The following IL17RC variants were observed in gnomAD, a reference collection of about 807,000 sequenced individuals.
The protein encoded by IL17RC is interleukin 17 receptor C, also known as interleukin-17 receptor C.
In IL17RC, 53 loss-of-function variants were observed where a neutral mutation model predicts 86.7. That is an observed-to-expected ratio of 0.61 (90% CI 0.49 to 0.77). IL17RC has a LOEUF of 0.77. Among genes scored for constraint, IL17RC ranks in the 30% least tolerant of loss-of-function variants. The pLI is 0.00. For missense variants in IL17RC, 957 were observed against 940.0 expected (o/e 1.02, Z -0.24); for synonymous variants, 439 against 413.1 (o/e 1.06, Z -0.76).
At chr3:9,925,257 C>T (rs1464795730) in intron 9 of IL17RC, among the ~76,000 whole-genome samples, 1 of 151,298 alleles carries the variant, frequency 6.6e-6, no homozygotes, top group Non-Finnish European at 1.5e-5. Context: ...GCTGGGACTA[C>T]AGGTGCCTGC....
Position 9,933,103 on chromosome 3 carries a change from G to A in IL17RC, c.1673G>A (p.Gly558Glu), listed in dbSNP as rs1336046051. The change falls in exon 19 of 19, where the codon GGG (glycine) becomes GAG (glutamate). Residue 558 changes from glycine (G) to glutamate (E), a missense_variant. Gly to Glu is a moderately conservative substitution (Grantham distance 98). Coordinates refer to ENST00000403601, the MANE Select transcript of IL17RC (RefSeq NM_153460.4). Reference sequence around the variant, plus strand: ...AGCCGTCGTGAACTGAGCGCGCAGGGGCCCGTGGCTTGGTTTCACGCGCAG... The same window carrying A: ...AGCCGTCGTGAACTGAGCGCGCAGGAGCCCGTGGCTTGGTTTCACGCGCAG... ...LWSRRELSAQ[G>E]PVAWFHAQRR... 1.3e-6 allele frequency: 2 copies of A among 1,576,216 alleles called. No individual in the cohort carries two copies. Among genetic ancestry groups the A allele is most frequent in the Non-Finnish European group, 1.7e-6 (2 of 1,167,048 alleles).
rs143896580 is a variant in IL17RC, at chr3:9,930,499, G to A, written c.1338+40G>A. On this transcript the variant is annotated intron_variant, in intron 15 of 18. Transcript: ENST00000403601. This position sits in a 1 kb window ranked among gnomAD's most constrained non-coding sequence, Gnocchi z 5.8. ...GAAGGGCCCCACCTCAATGCCTAGG[G>A]GCAACAGGCCTAAAACTAGCACTCA... is the stretch of plus-strand genomic sequence containing the variant. 176 of 1,596,508 alleles carry A rather than the reference G, an allele frequency of 1.1e-4. No homozygotes were observed. The African/African-American group carries it at 2.1e-3, about 19-fold the overall frequency.
chr3:9,932,797 C>T, intron 17 of IL17RC, 23 bp from the exon 18 acceptor site: 1 of 1,575,254 alleles, frequency 6.3e-7, no homozygotes, highest in East Asian at 2.2e-5. Context: ...TCACTGGCTG[C>T]CTCCGCCCCT....
rs2083483938 is a variant in IL17RC, at chr3:9,920,908, C to T, written c.578-17C>T. On this transcript the variant is annotated splice_polypyrimidine_tract_variant and intron_variant, in intron 6 of 18. Coordinates refer to ENST00000403601, the MANE Select transcript of IL17RC (RefSeq NM_153460.4). ...GCCCCCAGCCCCACTGGAGGCTCTT[C>T]TGTGATCTCTCCTCAGACTGCAGGG... The T allele has an allele frequency of 6.2e-7, 1 of 1,607,284 alleles. No homozygotes were observed. Among genetic ancestry groups the T allele is most frequent in the Non-Finnish European group, 8.5e-7 (1 of 1,177,828 alleles).
intron 7 of IL17RC, among the ~76,000 whole-genome samples, chr3:9,921,226 A>G (rs372559): frequency 0.46 from 70,681 of 152,034 alleles, 17,149 homozygotes; most frequent in East Asian, 0.91. Flanking sequence ...AGGCCGAGGT[A>G]GAAGGATCAC....
At chr3:9,925,114 C>CT (rs777033749) in intron 9 of IL17RC, among the ~76,000 whole-genome samples, 20,244 of 125,540 alleles carry the variant, frequency 0.16, 1,807 homozygotes, top group Non-Finnish European at 0.18. Context: ...CCTGATTGCA[C>CT]TTTTTTTTTT....
intron 16 of IL17RC, among the ~76,000 whole-genome samples, chr3:9,931,769 T>C (rs1268939222): frequency 6.6e-6 from 1 of 151,328 alleles, no homozygotes; most frequent in East Asian, 1.9e-4. Flanking sequence ...CCTCCCAAAG[T>C]GCTGGGATTA....
rs146222177 is a variant in IL17RC, at chr3:9,917,966, G to A, written c.171G>A (p.Pro57=). 7.6e-5 allele frequency: 122 copies of A among 1,613,534 alleles called. 3 individuals are homozygous for A. Among genetic ancestry groups the A allele is most frequent in the South Asian group, 4.6e-4 (42 of 91,082 alleles). The change falls in exon 3 of 19, where the codon CCG becomes CCA. Residue 57 remains proline (P), a synonymous_variant. Transcript: ENST00000403601. ...LCLPGDIVPA[P]GPVLAPTHLQ... is the part of the protein sequence containing the mutation. The stretch of plus-strand genomic sequence containing the variant: ...TGCCTGGGGACATCGTGCCTGCTCC[G>A]GGCCCCGTGCTGGCGCCTACGCACC...
chr3:9,929,990 G>T (rs1321295909), intron 13 of IL17RC, 38 bp from the exon 14 acceptor site: 1 of 1,613,640 alleles, frequency 6.2e-7, no homozygotes, highest in Non-Finnish European at 8.5e-7. Flanking sequence ...TCCCAGCAAG[G>T]ATGGGTCTTG....
chr3:9,924,914 G>A (rs1290263781), intron 9 of IL17RC, among the ~76,000 whole-genome samples: 1 of 152,044 alleles, frequency 6.6e-6, no homozygotes. Flanking sequence ...TGATCCTCCT[G>A]TCTCAGCCTC....
intron 16 of IL17RC, among the ~76,000 whole-genome samples, chr3:9,931,470 C>CACACATATATATATATATATAT (rs750351615): frequency 9.2e-4 from 40 of 43,596 alleles, no homozygotes; most frequent in Non-Finnish European, 1.9e-3. Context: ...CACACACACA[C>CACACATATATATATATATATAT]ATATATATAT....
rs753234989 is a variant in IL17RC, at chr3:9,929,916, C to A, written c.1156+19C>A. 6.2e-7 allele frequency: 1 copy of A among 1,613,998 alleles called. No homozygotes were observed. The highest frequency in any genetic ancestry group is 8.5e-7 in the Non-Finnish European group (1 of 1,179,904). ...TGGGCTGGTGAGTTGGGCCTGGGGG[C>A]AGCTGGGGCAGGGCCACCTCCTAGG... On this transcript the variant is annotated intron_variant, in intron 13 of 18. Coordinates refer to ENST00000403601, the MANE Select transcript of IL17RC (RefSeq NM_153460.4).
intron 12 of IL17RC, chr3:9,928,991 T>G: frequency 4.4e-6 from 1 of 226,506 alleles, no homozygotes; most frequent in Non-Finnish European, 8.7e-6. Context: ...AATGGGTTGC[T>G]CTACAGTTTC....
At chr3:9,928,026 C>T (rs1417884353) in intron 9 of IL17RC, 140 bp from the exon 10 acceptor site, 5 of 756,160 alleles carry the variant, frequency 6.6e-6, no homozygotes, top group African/African-American at 3.5e-5. Context: ...GATGTGAGCA[C>T]CTCCAGGTTT....
chr3:9,933,524 C>A lies in IL17RC; in HGVS notation c.2094C>A (p.Pro698=). Residue 698 remains proline, a synonymous_variant, in exon 19 of 19, where the codon CCC becomes CCA. Transcript: ENST00000403601. ...CAGCCCTGGATAGCTACTTCCATCC[C>A]CCGGGGACTCCCGCGCCGGGACGCG... ...LQPALDSYFH[P]PGTPAPGRGV... 2.5e-6 allele frequency: 4 copies of A among 1,607,662 alleles called. No homozygotes were observed. Among genetic ancestry groups the A allele is most frequent in the Non-Finnish European group, 3.4e-6 (4 of 1,177,590 alleles).
chr3:9,932,785 G>T (rs777524793), intron 17 of IL17RC, 35 bp from the exon 18 acceptor site: 1 of 1,582,418 alleles, frequency 6.3e-7, no homozygotes, highest in South Asian at 1.2e-5. Context: ...CGGCGGCCGA[G>T]CTCACTGGCT....
Position 9,917,263 on chromosome 3 carries a change from T to TGGGG in IL17RC, c.-47_-44dup, listed in dbSNP as rs530330109. 2.3e-6 allele frequency: 3 copies of TGGGG among 1,301,686 alleles called. No individual in the cohort carries two copies. In the African/African-American group the frequency reaches 4.5e-5, roughly 20 times the overall value. 80.6% of individuals were successfully genotyped at this position (1,301,686 alleles called of 1,614,324 possible). A position where few individuals can be genotyped will look rare whatever the true frequency, so the allele number is the denominator to read the frequency against. ...GGCTGACTGGGGTGTCTGCCCCCCT[T>TGGGG]GGGGGGGGGCAGCACAGGGCCTCAG... On this transcript the variant is annotated 5_prime_UTR_variant, in exon 1 of 19. Transcript: ENST00000403601.
Position 9,920,487 on chromosome 3 carries a change from A to G in IL17RC, c.466-4A>G, listed in dbSNP as rs1167193564. 6.3e-7 allele frequency: 1 copy of G among 1,580,596 alleles called. No homozygotes were observed. Among genetic ancestry groups the G allele is most frequent in the South Asian group, 1.1e-5 (1 of 87,584 alleles). On this transcript the variant is annotated splice_polypyrimidine_tract_variant and splice_region_variant and intron_variant, in intron 5 of 18. Transcript: ENST00000403601. ...GCCAGCCTTCCTCACCCCTCTCCTCACAGGGCTCTGTGGTATATGACTGCT... is the reference window on the plus strand; with the variant it reads ...GCCAGCCTTCCTCACCCCTCTCCTCGCAGGGCTCTGTGGTATATGACTGCT...
At chr3:9,920,628 C>T in intron 6 of IL17RC, 26 bp downstream of exon 6, 1 of 1,475,974 alleles carries the variant, frequency 6.8e-7, no homozygotes, top group Non-Finnish European at 9.4e-7. Flanking sequence ...AGTCCTGGCC[C>T]CCTAGCCTCT....
Sources: allele counts gnomAD v4.1 joint callset (sites outside exome capture counted in the v4.1 genomes callset), GRCh38; gene constraint gnomAD v4.1.1; non-coding constraint Gnocchi (gnomAD v3.1); transcripts MANE v1.5; gene names NCBI Gene and HGNC (gene_info 2026-07-23, HGNC 2026-07-21).